Variants in DCDC1 observed in about 807,000 individuals in gnomAD.
The protein encoded by DCDC1 is doublecortin domain-containing protein 1.
A neutral mutation model predicts 178.3 loss-of-function variants in DCDC1; 200 were observed. That is an observed-to-expected ratio of 1.12 (90% CI 1.00 to 1.26). DCDC1 has a LOEUF of 1.26. DCDC1 is among the 50% of genes most tolerant of loss of function. The pLI is 0.00. For missense variants in DCDC1, 1,983 were observed against 1,749.2 expected (o/e 1.13, Z -2.38); for synonymous variants, 690 against 604.8 (o/e 1.14, Z -2.07).
At chr11:30,994,960 G>T (rs1175212431) in intron 20 of DCDC1, among the ~76,000 whole-genome samples, 1 of 150,730 alleles carries the variant, frequency 6.6e-6, no homozygotes, top group East Asian at 2.0e-4. Flanking sequence ...GAAATGAAAG[G>T]CATACAGGCT....
At chr11:31,222,207 C>T (rs11031321) in intron 9 of DCDC1, among the ~76,000 whole-genome samples, 39,957 of 151,852 alleles carry the variant, frequency 0.26, 5,404 homozygotes, top group African/African-American at 0.32. Context: ...GGATTACAGG[C>T]ATGCACCACC....
intron 17 of DCDC1, among the ~76,000 whole-genome samples, chr11:31,085,578 T>A (rs1215666280): frequency 6.6e-6 from 1 of 152,202 alleles, no homozygotes; most frequent in Admixed American, 6.5e-5. Flanking sequence ...AAGAGTTTAT[T>A]CCTTTTTATT....
chr11:31,176,402 C>T (rs901881327), intron 9 of DCDC1, among the ~76,000 whole-genome samples: 7 of 152,114 alleles, frequency 4.6e-5, no homozygotes, highest in Admixed American at 3.3e-4. Flanking sequence ...TCTTATAGAA[C>T]ATCGTTAAAC....
chr11:31,253,976 G>T (rs759371857), intron 8 of DCDC1, among the ~76,000 whole-genome samples: 1 of 152,152 alleles, frequency 6.6e-6, no homozygotes, highest in Non-Finnish European at 1.5e-5. Context: ...CATGTGACTT[G>T]CTTTGACATA....
chr11:31,228,076 T>A (rs1975246877), intron 9 of DCDC1, among the ~76,000 whole-genome samples: 1 of 151,950 alleles, frequency 6.6e-6, no homozygotes, highest in African/African-American at 2.4e-5. Flanking sequence ...ACAGAAGATG[T>A]GAAAAACTCT....
At chr11:30,979,533 C>T (rs1406550732) in intron 20 of DCDC1, among the ~76,000 whole-genome samples, 1 of 152,118 alleles carries the variant, frequency 6.6e-6, no homozygotes, top group South Asian at 2.1e-4. Flanking sequence ...GAGTAGGGAA[C>T]ACTTTCACTT....
At chr11:31,096,904 T>C (rs989509606) in intron 15 of DCDC1, among the ~76,000 whole-genome samples, 4 of 152,194 alleles carry the variant, frequency 2.6e-5, no homozygotes, top group South Asian at 4.1e-4. Context: ...ATATGCCATA[T>C]GTATGTATGT....
chr11:30,984,370 C>T (rs1489528399), intron 20 of DCDC1, among the ~76,000 whole-genome samples: 2 of 152,130 alleles, frequency 1.3e-5, no homozygotes, highest in East Asian at 3.9e-4. Flanking sequence ...CACTGCCTCA[C>T]TTCAAAAACA....
chr11:30,953,702 T>C (rs1369129348), intron 20 of DCDC1, among the ~76,000 whole-genome samples: 1 of 152,132 alleles, frequency 6.6e-6, no homozygotes. Context: ...AATATTAGAA[T>C]GCCATGTGAC....
At chr11:31,321,286 G>A (rs1949330223) in intron 3 of DCDC1, among the ~76,000 whole-genome samples, 1 of 99,978 alleles carries the variant, frequency 1.0e-5, no homozygotes, top group Admixed American at 1.1e-4. Context: ...ATCTCAGACT[G>A]CTGTGCTAGC....
In DCDC1 at chr11:31,250,421, C is replaced by CATATATATATATATATATACATATAT; in HGVS notation, c.1055-8806_1055-8805insATATATGTATATATATATATATATAT. On this transcript the variant is annotated intron_variant, in intron 8 of 38. Coordinates refer to ENST00000684477, the MANE Select transcript of DCDC1 (RefSeq NM_001387274.1). ...ACACACACACACACACACACATATA[C>CATATATATATATATATATACATATAT]ATATATATGTATATATATATATATC... is the stretch of plus-strand genomic sequence containing the variant. 9.5e-5 allele frequency among the ~76,000 whole-genome samples: 5 copies of CATATATATATATATATATACATATAT among 52,868 alleles called. 1 individual carries two copies. The highest frequency in any genetic ancestry group is 1.5e-4 in the African/African-American group (3 of 19,548). The allele number at this position is 52,868 out of a possible 152,430, so 34.7% of individuals were successfully genotyped here. A position where few individuals can be genotyped will look rare whatever the true frequency, so the allele number is the denominator to read the frequency against.
In DCDC1 at chr11:31,014,417, C is replaced by A. The variant is rs144209034; in HGVS notation, c.2591+50052G>T. ...ACATGAATAAACTTGGAAGTGGATT[C>A]TCCAGCCCCACTCAAGCATTCAGAT... On this transcript the variant is annotated intron_variant, in intron 20 of 38. Coordinates refer to ENST00000684477, the MANE Select transcript of DCDC1 (RefSeq NM_001387274.1). Among the ~76,000 whole-genome samples the A allele has an allele frequency of 1.6e-4, 25 of 152,210 alleles. 1 individual carries two copies. Among genetic ancestry groups the A allele is most frequent in the African/African-American group, 5.8e-4 (24 of 41,552 alleles).
chr11:30,894,231 A>G lies in DCDC1; in HGVS notation c.4902+17T>C, dbSNP rs1944019726. On this transcript the variant is annotated intron_variant, in intron 35 of 38. Transcript: ENST00000684477. ...AAAGGGCAGAGTCTTTAATGTCCAG[A>G]ATCCCAAAGAACATACCTCTGTATG... The G allele has an allele frequency of 2.5e-6, 4 of 1,602,252 alleles. No homozygotes were observed. The East Asian group carries it at 8.9e-5, about 36-fold the overall frequency.
At chr11:30,898,093 A>G (rs985440087) in intron 34 of DCDC1, among the ~76,000 whole-genome samples, 1 of 152,154 alleles carries the variant, frequency 6.6e-6, no homozygotes, top group African/African-American at 2.4e-5. Flanking sequence ...AGCTAAAAGA[A>G]AGCTAAAATG....
chr11:31,293,588 C>T (rs1012754731), intron 6 of DCDC1, among the ~76,000 whole-genome samples: 3 of 151,936 alleles, frequency 2.0e-5, no homozygotes, highest in Admixed American at 6.5e-5. Flanking sequence ...GTAGTCCCAG[C>T]CCTGGCTGAA....
chr11:31,218,115 GA>G (rs909654659), intron 9 of DCDC1, among the ~76,000 whole-genome samples: 38 of 142,790 alleles, frequency 2.7e-4, no homozygotes, highest in African/African-American at 4.1e-4. Context: ...TTTGCTTTAA[GA>G]AAAAAAAAAG....
intron 20 of DCDC1, among the ~76,000 whole-genome samples, chr11:31,054,597 C>G (rs987880039): frequency 7.2e-5 from 11 of 152,054 alleles, no homozygotes; most frequent in African/African-American, 2.4e-4. Flanking sequence ...ACTATAAGGC[C>G]ATAGTCACCA....
chr11:31,214,590 G>A (rs1973303700), intron 9 of DCDC1, among the ~76,000 whole-genome samples: 1 of 152,070 alleles, frequency 6.6e-6, no homozygotes. Flanking sequence ...AACAGGCTCT[G>A]ATTTCCCCCA....
intron 21 of DCDC1, among the ~76,000 whole-genome samples, chr11:30,944,563 C>G (rs1222764281): frequency 1.3e-5 from 2 of 152,000 alleles, no homozygotes; most frequent in African/African-American, 4.8e-5. Context: ...AAAAAAAAAT[C>G]AGTTGCTTGA....
Sources: allele counts gnomAD v4.1 joint callset (sites outside exome capture counted in the v4.1 genomes callset), GRCh38; gene constraint gnomAD v4.1.1; transcripts MANE v1.5; gene names NCBI Gene and HGNC (gene_info 2026-07-23, HGNC 2026-07-21).